APPBP2: variants seen among roughly 807,000 people sequenced by gnomAD.
The protein encoded by APPBP2 is amyloid protein-binding protein 2.
A neutral mutation model predicts 76.0 loss-of-function variants in APPBP2; 15 were observed. The observed-to-expected ratio is 0.20, with a 90% CI of 0.13 to 0.30. The LOEUF is 0.30. Among genes scored for constraint, APPBP2 ranks in the 10% least tolerant of loss-of-function variants. The pLI is 1.00. For synonymous variants in APPBP2, 222 were observed against 242.2 expected (o/e 0.92, Z 0.77); for missense variants, 401 against 687.2 (o/e 0.58, Z 4.66).
intron 2 of APPBP2, 30 bp from the exon 3 acceptor site, chr17:60,494,647 G>A: frequency 3.2e-6 from 5 of 1,541,920 alleles, no homozygotes; most frequent in South Asian, 1.2e-5. Context: ...TTATTTTATA[G>A]AGTTAATTTA....
intron 3 of APPBP2, among the ~76,000 whole-genome samples, chr17:60,489,114 C>A (rs1001759312): frequency 6.6e-6 from 1 of 151,866 alleles, no homozygotes; most frequent in East Asian, 1.9e-4. Flanking sequence ...CCCAGCTACT[C>A]GGGAGGCTGA....
chr17:60,454,539 A>C, intron 10 of APPBP2, 47 bp from the exon 11 acceptor site: 1 of 1,248,628 alleles, frequency 8.0e-7, no homozygotes, highest in Non-Finnish European at 1.1e-6. Flanking sequence ...CCATCTACCA[A>C]AGCTAGTAAG....
In APPBP2 at chr17:60,461,803, A is replaced by T. The variant is rs553622782; in HGVS notation, c.936+7T>A. On this transcript the variant is annotated splice_region_variant and intron_variant, in intron 8 of 12. Transcript: ENST00000083182. ...TTGAAAGAAAAAAAGGGTAACCATTAACATACCTGATAAATTGCAACAGAC... is the reference window on the plus strand; with the variant it reads ...TTGAAAGAAAAAAAGGGTAACCATTTACATACCTGATAAATTGCAACAGAC... The T allele has an allele frequency of 2.6e-5, 42 of 1,587,256 alleles. No homozygotes were observed. Among genetic ancestry groups the T allele is most frequent in the Admixed American group, 6.9e-5 (4 of 57,656 alleles).
chr17:60,490,461 C>T (rs2143418525), intron 3 of APPBP2, among the ~76,000 whole-genome samples: 1 of 152,194 alleles, frequency 6.6e-6, no homozygotes, highest in Middle Eastern at 3.4e-3. Flanking sequence ...TGCTTGAGCC[C>T]AGGAGTTCAA....
At chr17:60,483,981 T>C (rs953423736) in intron 3 of APPBP2, among the ~76,000 whole-genome samples, 4 of 152,098 alleles carry the variant, frequency 2.6e-5, no homozygotes, top group African/African-American at 9.7e-5. Flanking sequence ...ATTTATTAAA[T>C]AGGGAATCCT....
intron 3 of APPBP2, among the ~76,000 whole-genome samples, chr17:60,479,660 T>C (rs1400449508): frequency 6.6e-6 from 1 of 152,172 alleles, no homozygotes; most frequent in Non-Finnish European, 1.5e-5. Flanking sequence ...TAGCAGCACA[T>C]AACGGAGGAT....
At chr17:60,476,576 T>C (rs1475149956) in intron 4 of APPBP2, among the ~76,000 whole-genome samples, 1 of 152,144 alleles carries the variant, frequency 6.6e-6, no homozygotes, top group African/African-American at 2.4e-5. Flanking sequence ...CAAGGTTAGT[T>C]GAATAGAGGC....
intron 3 of APPBP2, among the ~76,000 whole-genome samples, chr17:60,486,738 G>A (rs1479765233): frequency 6.6e-6 from 1 of 152,152 alleles, no homozygotes; most frequent in Non-Finnish European, 1.5e-5. Flanking sequence ...CTGTCACTAT[G>A]ATGTTAGCCG....
intron 1 of APPBP2, chr17:60,513,483 G>A: frequency 1.7e-6 from 1 of 571,790 alleles, no homozygotes; most frequent in Non-Finnish European, 3.2e-6. Flanking sequence ...TCAGAAGATG[G>A]ACACGAAGAA....
chr17:60,460,202 CTTTA>C (rs2090466555), intron 9 of APPBP2: 1 of 152,670 alleles, frequency 6.6e-6, no homozygotes, highest in Non-Finnish European at 1.5e-5. Context: ...ATTAGTATGA[CTTTA>C]TTTATTTTTG....
Position 60,464,092 on chromosome 17 carries a change from C to T in APPBP2, c.691G>A (p.Glu231Lys), listed in dbSNP as rs144863665. The T allele has an allele frequency of 8.6e-5, 138 of 1,611,274 alleles. No homozygotes were observed. The highest frequency in any genetic ancestry group is 6.6e-4 in the Middle Eastern group (4 of 6,070). ...CCTGCTGTAATTTCTTTCATTGCCT[C>T]GATGCACCATTTGTATGCCTAAAAA... ...HYDEAYKWCI[E>K]AMKEITAGLP... Residue 231 changes from glutamate (E) to lysine (K), a missense_variant, in exon 6 of 13, where the codon GAG becomes AAG. Glu to Lys is a moderately conservative substitution (Grantham distance 56). Transcript: ENST00000083182.
chr17:60,512,860 G>GAAAA (rs1567941385), intron 1 of APPBP2, among the ~76,000 whole-genome samples: 6 of 129,140 alleles, frequency 4.6e-5, no homozygotes, highest in African/African-American at 1.5e-4. Context: ...AAAAAGGAAA[G>GAAAA]GAAAAGAAAC....
intron 2 of APPBP2, among the ~76,000 whole-genome samples, chr17:60,496,838 AGCCTCCCGAGTAGCTGGGATTACAG>A (rs1240221150): frequency 6.6e-6 from 1 of 152,132 alleles, no homozygotes; most frequent in Non-Finnish European, 1.5e-5. Flanking sequence ...CTCCTGCCTC[AGCCTCCCGAGTAGCTGGGATTACAG>A]GCATGAGCTA....
intron 3 of APPBP2, among the ~76,000 whole-genome samples, chr17:60,493,314 A>C (rs948413360): frequency 6.6e-6 from 1 of 152,236 alleles, no homozygotes; most frequent in Non-Finnish European, 1.5e-5. Context: ...CCCTGTCTCA[A>C]AATAAAATAA....
At chr17:60,495,583 G>A (rs746150109) in intron 2 of APPBP2, among the ~76,000 whole-genome samples, 42 of 151,792 alleles carry the variant, frequency 2.8e-4, no homozygotes, top group Admixed American at 7.9e-4. Context: ...AGATCCTCCT[G>A]CTTCAGCCTC....
rs1055182136 is a variant in APPBP2 at position 60,444,453 on chromosome 17, T to C, written c.*3128A>G. On this transcript the variant is annotated 3_prime_UTR_variant, in exon 13 of 13. Transcript: ENST00000083182. Reference sequence around the variant, plus strand: ...TATTAAGGAGCAGCCAAATGGCACCTTCATTATTTCTAAGATCGCAGCCTC... The same window carrying C: ...TATTAAGGAGCAGCCAAATGGCACCCTCATTATTTCTAAGATCGCAGCCTC... 1 of 152,128 alleles carries C rather than the reference T, an allele frequency of 6.6e-6. No homozygotes were observed. Among genetic ancestry groups the C allele is most frequent in the African/African-American group, 2.4e-5 (1 of 41,440 alleles). The allele number at this position is 152,128 out of a possible 1,614,324, so 9.4% of individuals were successfully genotyped here.
chr17:60,519,002 A>G (rs540298658), intron 1 of APPBP2, among the ~76,000 whole-genome samples: 15 of 152,274 alleles, frequency 9.9e-5, no homozygotes, highest in African/African-American at 3.4e-4. Context: ...TGTGTTGCCC[A>G]GGCTAGTGTG....
In APPBP2 at chr17:60,479,160, T is replaced by G; in HGVS notation, c.491A>C (p.Glu164Ala). 1 of 1,611,572 alleles carries G rather than the reference T, an allele frequency of 6.2e-7. No homozygotes were observed. Among genetic ancestry groups the G allele is most frequent in the Non-Finnish European group, 8.5e-7 (1 of 1,179,294 alleles). The change falls in exon 4 of 13, where the codon GAA (glutamate) becomes GCA (alanine). Residue 164 changes from glutamate (E) to alanine (A), a missense_variant. Glu to Ala is a moderately radical substitution (Grantham distance 107, BLOSUM62 -1). Around this residue, in one of 5 missense-constraint regions of APPBP2, gnomAD observed 149 missense variants for 198.4 expected, o/e 0.75. Coordinates refer to ENST00000083182, the MANE Select transcript of APPBP2 (RefSeq NM_006380.5). ...TGTTCCAACTTACCTCACACAACAT[T>G]CTACTGCACGAAACCAATGAAGCAT... Reference protein sequence around the residue: ...DEMLHWFRAVECCVRLLHVRN... With the variant: ...DEMLHWFRAVACCVRLLHVRN...
intron 12 of APPBP2, among the ~76,000 whole-genome samples, chr17:60,449,500 G>A (rs968277573): frequency 7.9e-5 from 12 of 152,170 alleles, no homozygotes; most frequent in Non-Finnish European, 1.5e-4. Context: ...GGAAACTGAG[G>A]CAGGAGAATC....
Sources: allele counts gnomAD v4.1 joint callset (sites outside exome capture counted in the v4.1 genomes callset), GRCh38; gene constraint gnomAD v4.1.1; regional missense constraint gnomAD v4.1.1; transcripts MANE v1.5; gene names NCBI Gene and HGNC (gene_info 2026-07-23, HGNC 2026-07-21).